The following KHDRBS2 variants were observed in gnomAD, a reference collection of about 807,000 sequenced individuals.
KHDRBS2 encodes the protein KH domain-containing, RNA-binding, signal transduction-associated protein 2.
KHDRBS2 carries 26 observed loss-of-function variants against 44.3 expected under a neutral mutation model. The ratio of observed to expected loss-of-function variants is 0.59; its 90% CI spans 0.43 to 0.81. KHDRBS2 has a LOEUF of 0.81. Among genes scored for constraint, KHDRBS2 ranks in the 40% least tolerant of loss-of-function variants. The pLI is 0.00. For synonymous variants in KHDRBS2, 194 were observed against 151.1 expected (o/e 1.28, Z -2.08); for missense variants, 476 against 433.1 (o/e 1.10, Z -0.88).
chr6:61,549,297 C>T, the KHDRBS2 span, among the ~76,000 whole-genome samples: 1 of 152,136 alleles, frequency 6.6e-6, no homozygotes, highest in South Asian at 2.1e-4. Flanking sequence ...GTCTGTGGTA[C>T]TGTTTCAAAC....
chr6:62,019,719 C>G (rs2090387), intron 3 of KHDRBS2, among the ~76,000 whole-genome samples: 1 of 151,824 alleles, frequency 6.6e-6, no homozygotes, highest in Admixed American at 6.6e-5. Flanking sequence ...AAGGTACTGA[C>G]ATAAAGCTGC....
At chr6:61,571,660 G>T in the KHDRBS2 span, among the ~76,000 whole-genome samples, 1 of 151,948 alleles carries the variant, frequency 6.6e-6, no homozygotes, top group African/African-American at 2.4e-5. Context: ...CCATATAATA[G>T]GTCACAAGAC....
the KHDRBS2 span, among the ~76,000 whole-genome samples, chr6:61,664,568 C>A: frequency 6.6e-6 from 1 of 151,760 alleles, no homozygotes; most frequent in South Asian, 2.1e-4. Flanking sequence ...GCCATCTTCT[C>A]CTTCCTGTAC....
At chr6:61,782,614 C>A (rs1783113337) in intron 6 of KHDRBS2, among the ~76,000 whole-genome samples, 1 of 148,670 alleles carries the variant, frequency 6.7e-6, no homozygotes, top group Non-Finnish European at 1.5e-5. Flanking sequence ...GCTATTATTG[C>A]ATAGCAAAGA....
chr6:62,217,210 T>A (rs1177337739), intron 1 of KHDRBS2, among the ~76,000 whole-genome samples: 1 of 151,692 alleles, frequency 6.6e-6, no homozygotes, highest in Admixed American at 6.6e-5. Context: ...GTCTTTCTCA[T>A]GAACCTAAAA....
intron 3 of KHDRBS2, among the ~76,000 whole-genome samples, chr6:62,001,603 T>G (rs1335087702): frequency 6.6e-6 from 1 of 152,156 alleles, no homozygotes; most frequent in Non-Finnish European, 1.5e-5. Flanking sequence ...AACATTATTA[T>G]TTTAACAGCT....
chr6:61,834,091 A>T (rs1792264377), intron 6 of KHDRBS2, among the ~76,000 whole-genome samples: 1 of 152,108 alleles, frequency 6.6e-6, no homozygotes. Context: ...GTGCAAACAT[A>T]GCCTTCACCT....
chr6:61,834,385 A>C (rs1792319023), intron 6 of KHDRBS2, among the ~76,000 whole-genome samples: 1 of 152,088 alleles, frequency 6.6e-6, no homozygotes, highest in South Asian at 2.1e-4. Context: ...CTACATAATG[A>C]AGTCAACATG....
intron 3 of KHDRBS2, among the ~76,000 whole-genome samples, chr6:61,996,018 T>G (rs930483640): frequency 5.3e-5 from 8 of 152,072 alleles, no homozygotes; most frequent in Non-Finnish European, 1.2e-4. Context: ...ATAACACTGG[T>G]GAAAAAGGAA....
chr6:62,075,000 T>TA (rs1222877165), intron 2 of KHDRBS2, among the ~76,000 whole-genome samples: 2 of 152,092 alleles, frequency 1.3e-5, no homozygotes, highest in African/African-American at 4.8e-5. Context: ...TCTCTTTAGT[T>TA]AAAATGAACT....
intron 2 of KHDRBS2, among the ~76,000 whole-genome samples, chr6:62,059,204 T>G (rs1315660913): frequency 6.0e-4 from 64 of 106,682 alleles, no homozygotes; most frequent in African/African-American, 2.4e-3. Flanking sequence ...GGAAGTTTTT[T>G]TTTTTTTTTT....
the KHDRBS2 span, among the ~76,000 whole-genome samples, chr6:61,631,320 A>AG: frequency 6.9e-6 from 1 of 145,774 alleles, no homozygotes; most frequent in Non-Finnish European, 1.5e-5. Flanking sequence ...AAAAAAAAAA[A>AG]AAAAAAAAAA....
chr6:61,960,660 T>C (rs1412832597), intron 4 of KHDRBS2, among the ~76,000 whole-genome samples: 1 of 152,128 alleles, frequency 6.6e-6, no homozygotes, highest in East Asian at 1.9e-4. Flanking sequence ...TTAACAAAAC[T>C]CGAAATTCAG....
intron 1 of KHDRBS2, among the ~76,000 whole-genome samples, chr6:62,285,236 T>C (rs1842319312): frequency 6.6e-6 from 1 of 152,132 alleles, no homozygotes; most frequent in African/African-American, 2.4e-5. Context: ...GGTAAAACAG[T>C]TGATCAATTA....
chr6:61,558,191 T>C, the KHDRBS2 span, among the ~76,000 whole-genome samples: 1 of 152,148 alleles, frequency 6.6e-6, no homozygotes, highest in African/African-American at 2.4e-5. Context: ...TGTTCTTGCT[T>C]TTCTAGGTGT....
At chr6:62,243,402 C>A (rs1221981776) in intron 1 of KHDRBS2, among the ~76,000 whole-genome samples, 1 of 151,964 alleles carries the variant, frequency 6.6e-6, no homozygotes, top group Non-Finnish European at 1.5e-5. Context: ...ACAGCAGATA[C>A]CCTAAGATTC....
At chr6:61,713,215 C>T (rs2000400) in intron 7 of KHDRBS2, among the ~76,000 whole-genome samples, 53,455 of 151,398 alleles carry the variant, frequency 0.35, 10,260 homozygotes, top group East Asian at 0.49. Context: ...TGAACCTATA[C>T]TTTAATGTAC....
chr6:62,138,927 T>C (rs901670025), intron 2 of KHDRBS2, among the ~76,000 whole-genome samples: 1 of 152,134 alleles, frequency 6.6e-6, no homozygotes, highest in African/African-American at 2.4e-5. Context: ...TTTAAATTAT[T>C]CCCCCAAGGC....
At chr6:61,607,545 A>AAAAAAAAAAAT in the KHDRBS2 span, among the ~76,000 whole-genome samples, 2 of 147,574 alleles carry the variant, frequency 1.4e-5, no homozygotes, top group South Asian at 2.1e-4. Context: ...AAAAAAAAAA[A>AAAAAAAAAAAT]GATGTGTGAG....
Sources: allele counts gnomAD v4.1 joint callset (sites outside exome capture counted in the v4.1 genomes callset), GRCh38; gene constraint gnomAD v4.1.1; transcripts MANE v1.5; gene names NCBI Gene and HGNC (gene_info 2026-07-23, HGNC 2026-07-21).